CYP39A1: variants seen among roughly 807,000 people sequenced by gnomAD.
CYP39A1 encodes the protein 24-hydroxycholesterol 7-alpha-hydroxylase.
Under a neutral mutation model 58.1 loss-of-function variants are expected in CYP39A1, and 49 were observed. That is an observed-to-expected ratio of 0.84 (90% CI 0.67 to 1.07). The LOEUF (loss-of-function observed/expected upper bound fraction) is 1.07. CYP39A1 is among the 50% of genes least tolerant of loss of function. CYP39A1 has a pLI of 0.00. For missense variants in CYP39A1, 531 were observed against 539.4 expected, an observed-to-expected ratio of 0.98 and a Z score of 0.16; for synonymous variants, 209 against 187.6, an observed-to-expected ratio of 1.11 and a Z score of -0.93.
chr6:46,561,691 C>T (rs141777099), intron 10 of CYP39A1, among the ~76,000 whole-genome samples: 47 of 152,026 alleles, frequency 3.1e-4, no homozygotes, highest in Non-Finnish European at 5.0e-4. Flanking sequence ...GGTGTGGAAA[C>T]GGGGTTTCTC....
chr6:46,639,823 A>G (rs1418509980), intron 2 of CYP39A1, among the ~76,000 whole-genome samples, 155 bp from the exon 3 acceptor site: 1 of 152,216 alleles, frequency 6.6e-6, no homozygotes, highest in Non-Finnish European at 1.5e-5. Context: ...TAAAGATTCA[A>G]CCTATTCTCG....
intron 2 of CYP39A1, among the ~76,000 whole-genome samples, chr6:46,641,333 T>A (rs760502399): frequency 2.0e-5 from 3 of 152,128 alleles, no homozygotes; most frequent in Middle Eastern, 6.3e-3. Context: ...CAGGTTGTGA[T>A]GATCATGCAT....
intron 10 of CYP39A1, among the ~76,000 whole-genome samples, chr6:46,571,098 G>GCCTT (rs1771564090): frequency 6.6e-6 from 1 of 152,098 alleles, no homozygotes; most frequent in African/African-American, 2.4e-5. Context: ...CACTTGATAT[G>GCCTT]CCTTCAACTT....
At chr6:46,637,422 C>A (rs1437718207) in intron 4 of CYP39A1, among the ~76,000 whole-genome samples, 1 of 152,212 alleles carries the variant, frequency 6.6e-6, no homozygotes, top group Non-Finnish European at 1.5e-5. Flanking sequence ...TTTGTCTGAA[C>A]CAACTGTGAG....
intron 5 of CYP39A1, among the ~76,000 whole-genome samples, chr6:46,633,783 G>C (rs1259448632): frequency 1.1e-4 from 17 of 150,920 alleles, no homozygotes; most frequent in Admixed American, 1.1e-3. Context: ...CTTGAACCTG[G>C]GAGGCAGAGG....
At chr6:46,551,548 C>T (rs1197717824) in intron 11 of CYP39A1, among the ~76,000 whole-genome samples, 2 of 152,114 alleles carry the variant, frequency 1.3e-5, no homozygotes, top group Admixed American at 1.3e-4. Flanking sequence ...TGTAGTATTT[C>T]CTTTTTGTTT....
At chr6:46,572,254 G>C (rs1771626788) in intron 10 of CYP39A1, among the ~76,000 whole-genome samples, 3 of 151,900 alleles carry the variant, frequency 2.0e-5, no homozygotes, top group African/African-American at 7.3e-5. Flanking sequence ...TATTTACCAT[G>C]ACCAGTGGGT....
At chr6:46,643,769 C>A (rs984453587) in intron 1 of CYP39A1, among the ~76,000 whole-genome samples, 11 of 152,146 alleles carry the variant, frequency 7.2e-5, no homozygotes, top group African/African-American at 2.4e-4. Context: ...AATTATGCAA[C>A]AGGGTTTTGT....
At chr6:46,629,235 C>T (rs1246303645) in intron 6 of CYP39A1, among the ~76,000 whole-genome samples, 4 of 152,204 alleles carry the variant, frequency 2.6e-5, no homozygotes, top group African/African-American at 9.6e-5. Context: ...GCGCCAAGAA[C>T]AAATTCCAAA....
chr6:46,615,149 G>A (rs1196565952), intron 7 of CYP39A1, among the ~76,000 whole-genome samples: 1 of 152,060 alleles, frequency 6.6e-6, no homozygotes, highest in African/African-American at 2.4e-5. Flanking sequence ...GCAAGTTTCT[G>A]TTGAAACATA....
At chr6:46,595,667 G>A (rs190787037) in intron 8 of CYP39A1, among the ~76,000 whole-genome samples, 2 of 152,004 alleles carry the variant, frequency 1.3e-5, no homozygotes, top group Admixed American at 6.6e-5. Flanking sequence ...GTAAGTTCAA[G>A]AGGTCTATTG....
At chr6:46,622,485 C>A (rs1384348463) in intron 7 of CYP39A1, among the ~76,000 whole-genome samples, 1 of 150,204 alleles carries the variant, frequency 6.7e-6, no homozygotes, top group Non-Finnish European at 1.5e-5. Flanking sequence ...TGCTGGCACA[C>A]ACTTGTGGTC....
chr6:46,592,443 A>C (rs893239545), intron 8 of CYP39A1, among the ~76,000 whole-genome samples: 1 of 152,204 alleles, frequency 6.6e-6, no homozygotes, highest in Non-Finnish European at 1.5e-5. Flanking sequence ...TGAATCTTGA[A>C]AGAACCAAAT....
chr6:46,628,222 G>A (rs1258532315), intron 6 of CYP39A1, among the ~76,000 whole-genome samples: 1 of 152,190 alleles, frequency 6.6e-6, no homozygotes, highest in Non-Finnish European at 1.5e-5. Context: ...CAAATATGTT[G>A]GGAGATAATT....
rs140247060 is a variant in CYP39A1, at chr6:46,647,568, T to G, written c.177+4838A>C. Among the ~76,000 whole-genome samples the G allele has an allele frequency of 4.3e-3, 661 of 152,240 alleles. 2 individuals are homozygous for G. The highest frequency in any genetic ancestry group is 0.015 in the African/African-American group (612 of 41,552). Reference sequence around the variant, plus strand: ...ACATTCTACACCTGTTGGTGGGAGGTAGACACCATTTCCCTCATTAGAACC... The same window carrying G: ...ACATTCTACACCTGTTGGTGGGAGGGAGACACCATTTCCCTCATTAGAACC... On this transcript the variant is annotated intron_variant, in intron 1 of 11. Transcript: ENST00000275016.
chr6:46,619,185 G>A (rs1461852815), intron 7 of CYP39A1, among the ~76,000 whole-genome samples: 1 of 152,084 alleles, frequency 6.6e-6, no homozygotes, highest in African/African-American at 2.4e-5. Flanking sequence ...CTGTCAAAAA[G>A]TCTTTATATA....
At chr6:46,564,128 CTATTT>C (rs1388943829) in intron 10 of CYP39A1, among the ~76,000 whole-genome samples, 5 of 115,366 alleles carry the variant, frequency 4.3e-5, no homozygotes, top group Admixed American at 1.7e-4. Flanking sequence ...CTATTTTATT[CTATTT>C]TATTCTATTC....
chr6:46,577,792 A>T (rs1489491996), intron 10 of CYP39A1, among the ~76,000 whole-genome samples: 1 of 152,054 alleles, frequency 6.6e-6, no homozygotes, highest in Non-Finnish European at 1.5e-5. Context: ...AAATTCTTAG[A>T]GGCTTATATT....
intron 7 of CYP39A1, among the ~76,000 whole-genome samples, chr6:46,608,002 G>A (rs1005973862): frequency 6.6e-6 from 1 of 152,056 alleles, no homozygotes; most frequent in Non-Finnish European, 1.5e-5. Context: ...GAAGGAGAAT[G>A]AACTTGGAAT....
Sources: allele counts gnomAD v4.1 joint callset (sites outside exome capture counted in the v4.1 genomes callset), GRCh38; gene constraint gnomAD v4.1.1; transcripts MANE v1.5; gene names NCBI Gene and HGNC (gene_info 2026-07-23, HGNC 2026-07-21).